The following HEG1 variants were observed in gnomAD, a reference collection of about 807,000 sequenced individuals.
The protein encoded by HEG1 is protein HEG homolog 1.
HEG1 carries 56 observed loss-of-function variants against 125.6 expected under a neutral mutation model. That is an observed-to-expected ratio of 0.45 (90% CI 0.36 to 0.56). The LOEUF is 0.56. Among genes scored for constraint, HEG1 ranks in the 20% least tolerant of loss-of-function variants. The pLI is 0.00. For synonymous variants in HEG1, 644 were observed against 668.5 expected (o/e 0.96, Z 0.57); for missense variants, 1,523 against 1,670.0 (o/e 0.91, Z 1.53).
At chr3:125,044,683 AG>A (rs1937635366) in intron 1 of HEG1, among the ~76,000 whole-genome samples, 1 of 152,200 alleles carries the variant, frequency 6.6e-6, no homozygotes, top group African/African-American at 2.4e-5. Flanking sequence ...ATGAAAATCC[AG>A]TTTAAAAAAA....
At chr3:124,999,437 C>T (rs1283912116) in intron 11 of HEG1, among the ~76,000 whole-genome samples, 1 of 152,252 alleles carries the variant, frequency 6.6e-6, no homozygotes, top group Admixed American at 6.5e-5. Flanking sequence ...AGAAATTCCT[C>T]CAGGGCAGAA....
chr3:125,033,608 A>G (rs1937519016), intron 1 of HEG1, among the ~76,000 whole-genome samples: 1 of 152,156 alleles, frequency 6.6e-6, no homozygotes, highest in Non-Finnish European at 1.5e-5. Context: ...CTGAGGATGT[A>G]TTTACGAGTG....
Position 125,010,376 on chromosome 3 carries a change from G to C in HEG1, c.3073+63C>G, listed in dbSNP as rs559713212. The C allele has an allele frequency of 3.0e-6, 3 of 998,332 alleles. No homozygotes were observed. In the African/African-American group the frequency reaches 4.9e-5, roughly 16 times the overall value. 61.8% of individuals were successfully genotyped at this position (998,332 alleles called of 1,614,324 possible). On this transcript the variant is annotated intron_variant, in intron 7 of 16. Coordinates refer to ENST00000311127, the MANE Select transcript of HEG1 (RefSeq NM_020733.2). ...TGTCCACATTTTGGAGGAAAAAGGAGTTTATTGGGTAGCCCAACGTGGTAC... is the reference window on the plus strand; with the variant it reads ...TGTCCACATTTTGGAGGAAAAAGGACTTTATTGGGTAGCCCAACGTGGTAC...
At chr3:125,017,059 CTTT>C (rs34444034) in intron 5 of HEG1, among the ~76,000 whole-genome samples, 11 of 146,014 alleles carry the variant, frequency 7.5e-5, no homozygotes, top group Admixed American at 1.4e-4. Context: ...ATGCAAAGAA[CTTT>C]TTTTTTTTTT....
At position 125,027,511 on chromosome 3, in the gene HEG1, A is replaced by C. The variant is rs1463405459; in HGVS notation, c.611-4T>G. The C allele has an allele frequency of 6.3e-7, 1 of 1,575,780 alleles. No homozygotes were observed. The highest frequency in any genetic ancestry group is 8.6e-7 in the Non-Finnish European group (1 of 1,164,128). ...GGCAGGTGAAGACTTTCTGAGGCTG[A>C]AAACAGACAAAAACAATTAGAATTC... On this transcript the variant is annotated splice_region_variant and splice_polypyrimidine_tract_variant and intron_variant, in intron 2 of 16. Coordinates refer to ENST00000311127, the MANE Select transcript of HEG1 (RefSeq NM_020733.2).
intron 14 of HEG1, among the ~76,000 whole-genome samples, chr3:124,978,830 TAAA>T: frequency 6.6e-6 from 1 of 150,890 alleles, no homozygotes; most frequent in African/African-American, 2.4e-5. Context: ...AATAAATAAA[TAAA>T]TAAATAAATA....
intron 1 of HEG1, among the ~76,000 whole-genome samples, chr3:125,034,597 A>C (rs1017026007): frequency 6.6e-6 from 1 of 152,182 alleles, no homozygotes; most frequent in Non-Finnish European, 1.5e-5. Flanking sequence ...CACGAGTTCA[A>C]GACCAGCCTG....
chr3:125,017,866 A>T (rs550723361), intron 5 of HEG1, among the ~76,000 whole-genome samples: 49 of 145,422 alleles, frequency 3.4e-4, no homozygotes, highest in South Asian at 1.1e-3. Context: ...TGAAAATATA[A>T]AAAAAAAAAA....
intron 1 of HEG1, among the ~76,000 whole-genome samples, chr3:125,053,184 G>T (rs1937852389): frequency 6.6e-6 from 1 of 152,156 alleles, no homozygotes; most frequent in Non-Finnish European, 1.5e-5. Flanking sequence ...CATTTGCATG[G>T]GACACATTGC....
At chr3:125,019,150 G>A in intron 5 of HEG1, 112 bp downstream of exon 5, 1 of 881,386 alleles carries the variant, frequency 1.1e-6, no homozygotes, top group Non-Finnish European at 1.8e-6. Context: ...TTACAGGCGT[G>A]AGCCACCACG....
At position 125,013,667 on chromosome 3, in the gene HEG1, G is replaced by C; in HGVS notation, c.1912C>G (p.Pro638Ala). 1 of 1,613,804 alleles carries C rather than the reference G, an allele frequency of 6.2e-7. No homozygotes were observed. Among genetic ancestry groups the C allele is most frequent in the Non-Finnish European group, 8.5e-7 (1 of 1,179,802 alleles). ...GAAGTGTTCGGCATATTAATGGTGGGTGTGTAGGACGGAAGGTTGGATGTA... is the reference window on the plus strand; with the variant it reads ...GAAGTGTTCGGCATATTAATGGTGGCTGTGTAGGACGGAAGGTTGGATGTA... ...LHTSNLPSYTPTINMPNTSVV... is the reference protein window; with the variant it reads ...LHTSNLPSYTATINMPNTSVV... Residue 638 changes from proline (P) to alanine (A), a missense_variant, in exon 6 of 17, where the codon CCC becomes GCC. By Grantham distance (27) the Pro-to-Ala change is conservative. Transcript: ENST00000311127.
At chr3:124,973,644 T>G in intron 16 of HEG1, 87 bp downstream of exon 16, 1 of 1,063,894 alleles carries the variant, frequency 9.4e-7, no homozygotes. Context: ...TAACTAACTG[T>G]AATGCTTTTA....
chr3:124,980,549 C>T (rs62267130), intron 14 of HEG1, among the ~76,000 whole-genome samples: 50,373 of 151,836 alleles, frequency 0.33, 8,855 homozygotes, highest in East Asian at 0.48. Flanking sequence ...CAGACTCTGG[C>T]TCCATTGCCC....
At chr3:124,992,767 C>T (rs1329866784) in intron 12 of HEG1, among the ~76,000 whole-genome samples, 1 of 152,258 alleles carries the variant, frequency 6.6e-6, no homozygotes, top group Admixed American at 6.5e-5. Context: ...TAACATATCA[C>T]TAGAGTGTTG....
chr3:124,979,552 T>C (rs1936612186), intron 14 of HEG1, among the ~76,000 whole-genome samples: 1 of 152,222 alleles, frequency 6.6e-6, no homozygotes, highest in African/African-American at 2.4e-5. Context: ...TTCAATAAAT[T>C]TTATTAAATA....
At chr3:125,022,500 G>A (rs988490194) in intron 3 of HEG1, among the ~76,000 whole-genome samples, 10 of 150,724 alleles carry the variant, frequency 6.6e-5, no homozygotes, top group Middle Eastern at 3.2e-3. Flanking sequence ...GAACACAGCC[G>A]GCAGCTCTGG....
rs1402620549 is a variant in HEG1, at chr3:125,010,408, G to A, written c.3073+31C>T. 7.1e-6 allele frequency: 10 copies of A among 1,399,352 alleles called. No individual in the cohort carries two copies. In the South Asian group the frequency reaches 1.3e-4, roughly 18 times the overall value. The allele number at this position is 1,399,352 out of a possible 1,614,324, so 86.7% of individuals were successfully genotyped here. On this transcript the variant is annotated intron_variant, in intron 7 of 16. Coordinates refer to ENST00000311127, the MANE Select transcript of HEG1 (RefSeq NM_020733.2). ...GGGTAGCCCAACGTGGTACTGTGGT[G>A]CAGACCACTGGGCGTTACTTTTTCT...
At chr3:125,055,491 G>GC in intron 1 of HEG1, 84 bp downstream of exon 1, 1 of 939,588 alleles carries the variant, frequency 1.1e-6, no homozygotes, top group Non-Finnish European at 1.3e-6. Context: ...GCGCGGAGGG[G>GC]CCTACGGCTG....
At chr3:125,012,555 G>T in intron 6 of HEG1, 68 bp downstream of exon 6, 2 of 1,431,730 alleles carry the variant, frequency 1.4e-6, no homozygotes, top group Non-Finnish European at 1.9e-6. Flanking sequence ...TGAACCCCGA[G>T]CCCCATGTAG....
Sources: allele counts gnomAD v4.1 joint callset (sites outside exome capture counted in the v4.1 genomes callset), GRCh38; gene constraint gnomAD v4.1.1; transcripts MANE v1.5; gene names NCBI Gene and HGNC (gene_info 2026-07-23, HGNC 2026-07-21).